Variants in ESR1 observed in about 807,000 individuals in gnomAD.
The protein encoded by ESR1 is estrogen receptor.
Under a neutral mutation model 52.7 loss-of-function variants are expected in ESR1, and 12 were observed. That is an observed-to-expected ratio of 0.23 (90% confidence interval 0.15 to 0.37). The LOEUF is 0.37. Among genes scored for constraint, ESR1 ranks in the 10% least tolerant of loss-of-function variants. ESR1 has a pLI of 1.00. For missense variants in ESR1, 584 were observed against 779.7 expected, an observed-to-expected ratio of 0.75 and a Z score of 2.99; for synonymous variants, 305 against 316.8, an observed-to-expected ratio of 0.96 and a Z score of 0.39.
At chr6:151,880,465 G>A (rs980067136) in intron 2 of ESR1, among the ~76,000 whole-genome samples, 190 bp from the exon 3 acceptor site, 4 of 152,070 alleles carry the variant, frequency 2.6e-5, no homozygotes, top group Admixed American at 2.6e-4. Flanking sequence ...ACAGGCATGA[G>A]CCACCGTGCC....
chr6:151,878,447 G>A (rs557991958), intron 2 of ESR1, among the ~76,000 whole-genome samples: 5 of 152,260 alleles, frequency 3.3e-5, no homozygotes, highest in South Asian at 2.1e-4. Flanking sequence ...TCTGAAGCCC[G>A]TGTATACAGT....
chr6:151,847,721 C>T (rs1279863482), intron 2 of ESR1, among the ~76,000 whole-genome samples: 66 of 127,948 alleles, frequency 5.2e-4, no homozygotes, highest in South Asian at 3.7e-3. Flanking sequence ...GTTTCTTTTG[C>T]TGTGCAGAAG....
At chr6:151,940,783 A>G (rs1472418699) in intron 3 of ESR1, among the ~76,000 whole-genome samples, 3 of 152,204 alleles carry the variant, frequency 2.0e-5, no homozygotes, top group Non-Finnish European at 2.9e-5. Flanking sequence ...TCCTCCCTCC[A>G]AGCTGAAAAC....
chr6:152,000,144 T>A (rs544680215), intron 4 of ESR1, among the ~76,000 whole-genome samples: 4 of 152,212 alleles, frequency 2.6e-5, no homozygotes, highest in Non-Finnish European at 5.9e-5. Flanking sequence ...CTTTCTAGTT[T>A]TCACCATAAC....
chr6:152,124,964 G>C (rs1419982349), intron 6 of ESR1, among the ~76,000 whole-genome samples: 1 of 152,136 alleles, frequency 6.6e-6, no homozygotes, highest in African/African-American at 2.4e-5. Flanking sequence ...AGTCCTCTGC[G>C]GTGTGTACTT....
intron 3 of ESR1, among the ~76,000 whole-genome samples, chr6:151,923,617 A>G (rs1245884179): frequency 1.3e-5 from 2 of 152,192 alleles, no homozygotes; most frequent in Non-Finnish European, 2.9e-5. Flanking sequence ...TCACTTAGCA[A>G]TATTCATGTA....
intron 2 of ESR1, among the ~76,000 whole-genome samples, chr6:151,861,992 G>T (rs1362818024): frequency 6.6e-6 from 1 of 152,118 alleles, no homozygotes; most frequent in Non-Finnish European, 1.5e-5. Context: ...TGGTTTGAGG[G>T]TATTGTGGTT....
intron 4 of ESR1, among the ~76,000 whole-genome samples, chr6:151,980,478 G>T (rs1181884467): frequency 6.6e-6 from 1 of 151,954 alleles, no homozygotes; most frequent in South Asian, 2.1e-4. Context: ...TAAATAGGAG[G>T]CATTTTTTGT....
chr6:152,018,799 AT>A (rs995388312), intron 5 of ESR1, among the ~76,000 whole-genome samples: 4 of 150,834 alleles, frequency 2.7e-5, no homozygotes, highest in Non-Finnish European at 5.9e-5. Context: ...GTTCATGTTA[AT>A]TTTTTTTCAC....
intron 5 of ESR1, among the ~76,000 whole-genome samples, chr6:152,026,073 A>G (rs1015123465): frequency 7.9e-5 from 12 of 152,002 alleles, no homozygotes; most frequent in African/African-American, 2.7e-4. Context: ...GGGATCAGAG[A>G]ATACTGCTTG....
intron 2 of ESR1, among the ~76,000 whole-genome samples, chr6:151,778,295 A>G (rs1562398368): frequency 6.7e-6 from 1 of 150,160 alleles, no homozygotes; most frequent in African/African-American, 2.5e-5. Flanking sequence ...GGGATGATGA[A>G]GAATTTCTGG....
At chr6:151,725,850 A>G (rs964852178) in intron 2 of ESR1, among the ~76,000 whole-genome samples, 8 of 152,264 alleles carry the variant, frequency 5.3e-5, no homozygotes, top group African/African-American at 1.9e-4. Context: ...TGGTCAATAT[A>G]GGAACTTGCA....
intron 5 of ESR1, among the ~76,000 whole-genome samples, chr6:152,013,940 T>A (rs2042970279): frequency 6.6e-6 from 1 of 152,262 alleles, no homozygotes; most frequent in Admixed American, 6.5e-5. Context: ...TCTCAAATTA[T>A]AGCTCCCATA....
chr6:151,915,432 C>T (rs966053169), intron 3 of ESR1, among the ~76,000 whole-genome samples: 10 of 152,090 alleles, frequency 6.6e-5, no homozygotes, highest in Non-Finnish European at 1.0e-4. Flanking sequence ...TTATTTGGGC[C>T]GCAATCTTTT....
chr6:151,786,323 A>G (rs754259186), intron 2 of ESR1, among the ~76,000 whole-genome samples: 1 of 152,148 alleles, frequency 6.6e-6, no homozygotes, highest in Non-Finnish European at 1.5e-5. Context: ...TCTACCCTCT[A>G]GCGAGAGGCT....
At position 152,007,337 on chromosome 6, in the gene ESR1, C is replaced by G. The variant is rs147353182; in HGVS notation, c.1097-4319C>G. Among the ~76,000 whole-genome samples, 15 of 151,966 alleles carry G rather than the reference C, an allele frequency of 9.9e-5. No homozygotes were observed. The South Asian group carries it at 2.9e-3, about 29-fold the overall frequency. On this transcript the variant is annotated intron_variant, in intron 4 of 7. Transcript: ENST00000206249. ...AGTTAACACATCTTGGAGGAAAAAC[C>G]GTTACTGTATAATGGAAGGCAGAAG... is the stretch of plus-strand genomic sequence containing the variant.
chr6:151,932,840 T>C (rs2033850249), intron 3 of ESR1, among the ~76,000 whole-genome samples: 1 of 147,000 alleles, frequency 6.8e-6, no homozygotes, highest in African/African-American at 2.5e-5. Flanking sequence ...AGTACCATGC[T>C]GTTTTGGTTA....
intron 6 of ESR1, chr6:152,122,773 C>G (rs1038939557): frequency 6.3e-7 from 1 of 1,577,656 alleles, no homozygotes; most frequent in Non-Finnish European, 8.6e-7. Context: ...AAGGGCCATG[C>G]CAAGCACACC....
chr6:151,880,505 A>C (rs1225126492), intron 2 of ESR1, 150 bp from the exon 3 acceptor site: 2 of 722,814 alleles, frequency 2.8e-6, no homozygotes, highest in Admixed American at 3.7e-5. Flanking sequence ...TTTGCACTTC[A>C]AGAAGGACAG....
Sources: gnomAD v4.1 joint callset for allele counts (sites outside exome capture counted in the v4.1 genomes callset) on GRCh38, gnomAD v4.1.1 for gene constraint, MANE v1.5 for transcripts, NCBI Gene and HGNC (gene_info 2026-07-23, HGNC 2026-07-21) for gene names.